Variants in SPIDR observed in about 807,000 individuals in gnomAD.
SPIDR encodes scaffold protein involved in DNA repair.
In SPIDR, 93 loss-of-function variants were observed where a neutral mutation model predicts 104.6. The ratio of observed to expected loss-of-function variants is 0.89; its 90% CI spans 0.75 to 1.06. SPIDR has a LOEUF of 1.06. SPIDR is among the 50% of genes least tolerant of loss of function. The probability of loss-of-function intolerance (pLI) is 0.00; values close to 1 mark genes in which losing one functional copy is unlikely to be tolerated. For missense variants in SPIDR, 1,154 were observed against 1,111.2 expected, an observed-to-expected ratio of 1.04 and a Z score of -0.55; for synonymous variants, 431 against 416.9, an observed-to-expected ratio of 1.03 and a Z score of -0.41.
intron 7 of SPIDR, among the ~76,000 whole-genome samples, chr8:47,436,720 T>C (rs1200051965): frequency 6.6e-6 from 1 of 152,262 alleles, no homozygotes; most frequent in East Asian, 1.9e-4. Context: ...AGCAAGACCC[T>C]GTCTCTAAAA....
At chr8:47,393,724 TTTCC>T (rs2060900581) in intron 5 of SPIDR, among the ~76,000 whole-genome samples, 1 of 140,108 alleles carries the variant, frequency 7.1e-6, no homozygotes, top group Non-Finnish European at 1.6e-5. Flanking sequence ...TTTCCTTTCC[TTTCC>T]TTTCCTTCCT....
chr8:47,613,761 A>G (rs183220108), intron 10 of SPIDR, among the ~76,000 whole-genome samples: 16 of 152,234 alleles, frequency 1.1e-4, no homozygotes, highest in African/African-American at 3.6e-4. Context: ...TCATGTGCTC[A>G]TTGTCCATTT....
At chr8:47,473,921 C>A (rs1194017797) in intron 8 of SPIDR, among the ~76,000 whole-genome samples, 1 of 152,128 alleles carries the variant, frequency 6.6e-6, no homozygotes, top group Non-Finnish European at 1.5e-5. Context: ...AGTTTTTATT[C>A]TCATCCACAC....
chr8:47,706,547 G>A (rs1278806800), intron 14 of SPIDR, among the ~76,000 whole-genome samples: 1 of 152,168 alleles, frequency 6.6e-6, no homozygotes, highest in Non-Finnish European at 1.5e-5. Context: ...TTGCATCACT[G>A]TCACTGCAGT....
chr8:47,435,313 C>G (rs1366863755), intron 7 of SPIDR, among the ~76,000 whole-genome samples: 1 of 150,240 alleles, frequency 6.7e-6, no homozygotes, highest in Non-Finnish European at 1.5e-5. Context: ...CATGCTCAGT[C>G]ATTTGCTCAG....
chr8:47,395,615 C>G (rs1290719512), intron 5 of SPIDR, among the ~76,000 whole-genome samples: 1 of 152,030 alleles, frequency 6.6e-6, no homozygotes, highest in African/African-American at 2.4e-5. Flanking sequence ...TTGGCAAAGA[C>G]AGAAAACATC....
At chr8:47,424,251 A>G (rs532849395) in intron 7 of SPIDR, among the ~76,000 whole-genome samples, 201 of 152,228 alleles carry the variant, frequency 1.3e-3, no homozygotes, top group Admixed American at 4.6e-3. Flanking sequence ...CAGGGTGACA[A>G]TTTTTTTCAC....
At chr8:47,506,565 G>A (rs1428835029) in intron 8 of SPIDR, among the ~76,000 whole-genome samples, 3 of 152,066 alleles carry the variant, frequency 2.0e-5, no homozygotes, top group Non-Finnish European at 4.4e-5. Flanking sequence ...AATGGAGAAA[G>A]GAAATTAGTT....
chr8:47,571,251 G>T (rs2154406149), intron 8 of SPIDR, among the ~76,000 whole-genome samples: 1 of 152,318 alleles, frequency 6.6e-6, no homozygotes, highest in Middle Eastern at 3.4e-3. Flanking sequence ...TACAGTTAAT[G>T]TATATTTGAC....
intron 5 of SPIDR, among the ~76,000 whole-genome samples, chr8:47,376,752 G>A (rs1287748811): frequency 6.6e-6 from 1 of 152,150 alleles, no homozygotes; most frequent in East Asian, 1.9e-4. Context: ...AAGGTACATT[G>A]AGTGATGAGG....
rs138138190 is a variant in SPIDR, at chr8:47,374,051, G to A, written c.526-22325G>A. On this transcript the variant is annotated intron_variant, in intron 5 of 19. Coordinates refer to ENST00000297423, the MANE Select transcript of SPIDR (RefSeq NM_001080394.4). The stretch of plus-strand genomic sequence containing the variant: ...GTTTGTTTTATTCATTCTAGGTGTG[G>A]TGATGGTTTCTACTGAGACGTCTTT... Among the ~76,000 whole-genome samples, 10 of 152,308 alleles carry A rather than the reference G, an allele frequency of 6.6e-5. No homozygotes were observed. The East Asian group carries it at 1.9e-3, about 29-fold the overall frequency.
At chr8:47,509,219 C>T (rs897371292) in intron 8 of SPIDR, among the ~76,000 whole-genome samples, 3 of 152,194 alleles carry the variant, frequency 2.0e-5, no homozygotes, top group African/African-American at 7.2e-5. Context: ...GATCCTCTTG[C>T]CTCTGGACAC....
At chr8:47,408,018 AT>A (rs2062987303) in intron 7 of SPIDR, 57 bp downstream of exon 7, 2 of 923,742 alleles carry the variant, frequency 2.2e-6, no homozygotes, top group Non-Finnish European at 1.6e-6. Flanking sequence ...AGTTAAAAGA[AT>A]TCTTACATTA....
At chr8:47,581,741 A>G (rs916761666) in intron 8 of SPIDR, among the ~76,000 whole-genome samples, 4 of 152,190 alleles carry the variant, frequency 2.6e-5, no homozygotes, top group African/African-American at 9.7e-5. Flanking sequence ...CTAACCATTA[A>G]AAGAGGGAAG....
intron 11 of SPIDR, among the ~76,000 whole-genome samples, chr8:47,693,057 A>C (rs780455719): frequency 3.3e-5 from 5 of 152,214 alleles, no homozygotes; most frequent in Non-Finnish European, 7.3e-5. Context: ...TAGAGTCTTA[A>C]GGTTTCCATG....
chr8:47,549,428 C>T (rs886385467), intron 8 of SPIDR, among the ~76,000 whole-genome samples: 1 of 152,156 alleles, frequency 6.6e-6, no homozygotes, highest in Admixed American at 6.5e-5. Flanking sequence ...CTGTCCAGCA[C>T]CTGTTGTTTC....
chr8:47,434,553 A>C (rs1409184515), intron 7 of SPIDR, among the ~76,000 whole-genome samples: 1 of 152,204 alleles, frequency 6.6e-6, no homozygotes, highest in Non-Finnish European at 1.5e-5. Flanking sequence ...AAAATGGACA[A>C]CTTAACATTA....
In SPIDR at chr8:47,670,263, A is replaced by C. The variant is rs536375196; in HGVS notation, c.1545-3538A>C. On this transcript the variant is annotated intron_variant, in intron 10 of 19. Transcript: ENST00000297423. ...GAGAAGCAAGTCACGTGAGGAGTTAACTAGGAGGTAAGGAGGCCTTTAAAT... is the reference window on the plus strand; with the variant it reads ...GAGAAGCAAGTCACGTGAGGAGTTACCTAGGAGGTAAGGAGGCCTTTAAAT... 2.6e-3 allele frequency among the ~76,000 whole-genome samples: 399 copies of C among 152,200 alleles called. 3 individuals carry two copies. The highest frequency in any genetic ancestry group is 9.3e-3 in the African/African-American group (386 of 41,508).
At chr8:47,350,585 G>T (rs1209543672) in intron 5 of SPIDR, among the ~76,000 whole-genome samples, 1 of 151,582 alleles carries the variant, frequency 6.6e-6, no homozygotes, top group African/African-American at 2.4e-5. Flanking sequence ...AAGTGCTGGG[G>T]TTACAGGCGT....
Sources: allele counts gnomAD v4.1 joint callset (sites outside exome capture counted in the v4.1 genomes callset), GRCh38; gene constraint gnomAD v4.1.1; transcripts MANE v1.5; gene names NCBI Gene and HGNC (gene_info 2026-07-23, HGNC 2026-07-21).